ABCC1: variants seen among roughly 807,000 people sequenced by gnomAD.
The protein encoded by ABCC1 is multidrug resistance-associated protein 1.
ABCC1 carries 83 observed loss-of-function variants against 172.9 expected under a neutral mutation model. The ratio of observed to expected loss-of-function variants is 0.48; its 90% CI spans 0.40 to 0.58. ABCC1 has a LOEUF of 0.58. Among genes scored for constraint, ABCC1 ranks in the 20% least tolerant of loss-of-function variants. ABCC1 has a pLI of 0.00. For synonymous variants in ABCC1, 937 were observed against 825.2 expected (o/e 1.14, Z -2.32); for missense variants, 1,817 against 2,002.7 (o/e 0.91, Z 1.77).
At chr16:16,094,933 T>C (rs185910118) in intron 19 of ABCC1, among the ~76,000 whole-genome samples, 4 of 150,536 alleles carry the variant, frequency 2.7e-5, no homozygotes, top group African/African-American at 9.8e-5. Flanking sequence ...TTCTTGTGCC[T>C]CAGCCTCTCG....
intron 1 of ABCC1, among the ~76,000 whole-genome samples, chr16:16,003,634 G>T (rs973107109): frequency 1.0e-4 from 15 of 145,576 alleles, no homozygotes; most frequent in African/African-American, 3.5e-4. Context: ...ATGAATTGGT[G>T]GGTGGGTGGA....
chr16:15,953,589 A>G (rs2045924400), intron 1 of ABCC1, among the ~76,000 whole-genome samples: 1 of 152,190 alleles, frequency 6.6e-6, no homozygotes, highest in Non-Finnish European at 1.5e-5. Flanking sequence ...CTTGGCACAC[A>G]GCGCTCAGTA....
intron 1 of ABCC1, among the ~76,000 whole-genome samples, chr16:15,956,688 G>A (rs1050068085): frequency 4.6e-5 from 7 of 152,016 alleles, no homozygotes; most frequent in Admixed American, 3.9e-4. Context: ...AGTGAAGCAA[G>A]GTAGAGAAAA....
At chr16:16,086,121 C>T (rs528217465) in intron 17 of ABCC1, among the ~76,000 whole-genome samples, 1 of 152,320 alleles carries the variant, frequency 6.6e-6, no homozygotes, top group South Asian at 2.1e-4. Context: ...CGTCCACCAG[C>T]GCCTTCCATG....
intron 1 of ABCC1, among the ~76,000 whole-genome samples, chr16:15,968,672 C>T (rs2046300566): frequency 6.6e-6 from 1 of 152,104 alleles, no homozygotes; most frequent in Non-Finnish European, 1.5e-5. Flanking sequence ...CCACCGTGCC[C>T]AGCCATAAAT....
At chr16:16,102,550 G>A (rs952981628) in intron 19 of ABCC1, 77 bp from the exon 20 acceptor site, 5 of 1,363,582 alleles carry the variant, frequency 3.7e-6, no homozygotes, top group Non-Finnish European at 5.1e-6. Context: ...TCACTGAAGT[G>A]GCCGGTTTTT....
chr16:16,074,050 G>A (rs2050459475), intron 14 of ABCC1, among the ~76,000 whole-genome samples: 1 of 152,180 alleles, frequency 6.6e-6, no homozygotes, highest in African/African-American at 2.4e-5. Flanking sequence ...TGAGCGAGAT[G>A]GTCTCAGCAT....
At chr16:16,049,546 TCC>T (rs1268716603) in intron 10 of ABCC1, among the ~76,000 whole-genome samples, 3 of 152,152 alleles carry the variant, frequency 2.0e-5, no homozygotes, top group African/African-American at 7.2e-5. Flanking sequence ...AGCCTGCTCA[TCC>T]CCCAAGGCTG....
intron 7 of ABCC1, among the ~76,000 whole-genome samples, chr16:16,039,378 C>T (rs146067025): frequency 1.1e-4 from 16 of 147,602 alleles, no homozygotes; most frequent in African/African-American, 4.0e-4. Context: ...AGCAATTCTT[C>T]TGCCCCGGTC....
intron 1 of ABCC1, among the ~76,000 whole-genome samples, chr16:15,994,726 A>G (rs2046997113): frequency 6.6e-6 from 1 of 151,354 alleles, no homozygotes; most frequent in Non-Finnish European, 1.5e-5. Context: ...TTTCAGGCCT[A>G]CCCCCTGCAG....
At chr16:16,028,681 T>C (rs2151815796) in intron 5 of ABCC1, among the ~76,000 whole-genome samples, 1 of 152,236 alleles carries the variant, frequency 6.6e-6, no homozygotes, top group Non-Finnish European at 1.5e-5. Flanking sequence ...GTTGGAGAAA[T>C]TCCGCTTTAC....
At chr16:16,117,720 A>G (rs939119812) in intron 23 of ABCC1, among the ~76,000 whole-genome samples, 2 of 152,194 alleles carry the variant, frequency 1.3e-5, no homozygotes, top group Admixed American at 6.5e-5. Context: ...AGCCTGACCA[A>G]TATGGTGAAA....
At chr16:16,091,403 A>AC (rs748015239) in intron 19 of ABCC1, among the ~76,000 whole-genome samples, 39 of 113,388 alleles carry the variant, frequency 3.4e-4, no homozygotes, top group Non-Finnish European at 5.6e-4. Flanking sequence ...CCCCAACTCT[A>AC]CAAAAAAAAA....
intron 1 of ABCC1, among the ~76,000 whole-genome samples, chr16:15,989,522 C>A (rs1277162090): frequency 3.3e-5 from 5 of 152,176 alleles, no homozygotes; most frequent in Non-Finnish European, 5.9e-5. Context: ...CCACGGGCCT[C>A]TTGCACTCCT....
intron 15 of ABCC1, among the ~76,000 whole-genome samples, chr16:16,077,141 G>T (rs1294860384): frequency 1.3e-5 from 2 of 152,152 alleles, no homozygotes; most frequent in Non-Finnish European, 2.9e-5. Context: ...CTGACCAGAG[G>T]CCTTGATCAA....
chr16:16,060,856 C>T (rs149134738), intron 12 of ABCC1, among the ~76,000 whole-genome samples: 12 of 151,830 alleles, frequency 7.9e-5, no homozygotes, highest in East Asian at 3.9e-4. Context: ...CTTGCTCTCT[C>T]GCCAGGCTGG....
chr16:15,985,544 A>G (rs1235052962), intron 1 of ABCC1, among the ~76,000 whole-genome samples: 1 of 152,018 alleles, frequency 6.6e-6, no homozygotes, highest in Non-Finnish European at 1.5e-5. Context: ...TCCTGGGTTC[A>G]AGTGATTCTC....
At chr16:16,026,282 A>T (rs1468473810) in intron 5 of ABCC1, among the ~76,000 whole-genome samples, 1 of 151,586 alleles carries the variant, frequency 6.6e-6, no homozygotes, top group Non-Finnish European at 1.5e-5. Context: ...CAAATGCAAA[A>T]ATTAGCCAGG....
At chr16:16,040,982 C>T (rs1045180784) in intron 7 of ABCC1, among the ~76,000 whole-genome samples, 3 of 152,062 alleles carry the variant, frequency 2.0e-5, no homozygotes, top group African/African-American at 7.2e-5. Flanking sequence ...GGCTGGAGTG[C>T]AGTGGCACGA....
Sources: allele counts gnomAD v4.1 joint callset (sites outside exome capture counted in the v4.1 genomes callset), GRCh38; gene constraint gnomAD v4.1.1; transcripts MANE v1.5; gene names NCBI Gene and HGNC (gene_info 2026-07-23, HGNC 2026-07-21).